Variants in XPC observed in about 807,000 individuals in gnomAD.
XPC encodes XPC complex subunit, DNA damage recognition and repair factor, also known as DNA repair protein complementing XP-C cells.
In XPC, 76 loss-of-function variants were observed where a neutral mutation model predicts 95.8. The ratio of observed to expected loss-of-function variants is 0.79; its 90% confidence interval spans 0.66 to 0.96. The LOEUF is 0.96. Among genes scored for constraint, XPC ranks in the 40% least tolerant of loss-of-function variants. The pLI is 0.00. For missense variants in XPC, 1,146 were observed against 1,179.8 expected, an observed-to-expected ratio of 0.97 and a Z score of 0.42; for synonymous variants, 442 against 442.1, an observed-to-expected ratio of 1.00 and a Z score of 0.00.
intron 9 of XPC, among the ~76,000 whole-genome samples, chr3:14,156,862 C>T (rs949214257): frequency 3.9e-5 from 6 of 152,236 alleles, no homozygotes; most frequent in African/African-American, 1.4e-4. Context: ...TCTTCTAGAG[C>T]GTGAGCTTAC....
rs771360965 is a variant in XPC, at chr3:14,178,591, A to T, written c.-23T>A. On this transcript the variant is annotated 5_prime_UTR_variant, in exon 1 of 16. Transcript: ENST00000285021. ...CATGTTGCTTGTCTGGGCAAATTCC[A>T]CTTCGCGAGTGACGCACCCGGCCGC... 4.8e-5 allele frequency: 78 copies of T among 1,611,984 alleles called. No homozygotes were observed. In the East Asian group the frequency reaches 1.6e-3, roughly 34 times the overall value.
At position 14,148,574 on chromosome 3, in the gene XPC, T is replaced by C. The variant is rs1312175659; in HGVS notation, c.2408A>G (p.Tyr803Cys). ...GCCCCTCACGCACACGGGATGGGAG[T>C]AGCCGCCATGGAAATCAAAGCCAGT... ...AITGFDFHGG[Y>C]SHPVTDGYIV... The change falls in exon 13 of 16, where the codon TAC becomes TGC. Residue 803 changes from tyrosine to cysteine, a missense_variant. Transcript: ENST00000285021. 3.1e-6 allele frequency: 5 copies of C among 1,613,442 alleles called. No individual in the cohort carries two copies. The highest frequency in any genetic ancestry group is 2.2e-5 in the East Asian group (1 of 44,870).
intron 7 of XPC, among the ~76,000 whole-genome samples, chr3:14,161,841 A>C (rs1157965278): frequency 6.6e-6 from 1 of 151,926 alleles, no homozygotes; most frequent in East Asian, 1.9e-4. Context: ...AAGGCATGCA[A>C]ACTGGACAGG....
intron 2 of XPC, among the ~76,000 whole-genome samples, chr3:14,171,840 G>C (rs1696627611): frequency 1.3e-5 from 2 of 152,080 alleles, no homozygotes; most frequent in Non-Finnish European, 2.9e-5. Context: ...ACCGGGATGG[G>C]GACGGGACGG....
At chr3:14,176,877 G>C (rs1696839434) in intron 1 of XPC, among the ~76,000 whole-genome samples, 1 of 152,234 alleles carries the variant, frequency 6.6e-6, no homozygotes, top group Admixed American at 6.5e-5. Context: ...GAGGCAAACG[G>C]ATCACCTGAG....
chr3:14,166,139 A>C (rs914415252), intron 5 of XPC, among the ~76,000 whole-genome samples: 1 of 152,128 alleles, frequency 6.6e-6, no homozygotes, highest in Non-Finnish European at 1.5e-5. Flanking sequence ...TGAAATGATT[A>C]TATGACCTCT....
Position 14,178,255 on chromosome 3 carries a change from G to A in XPC, c.103+211C>T, listed in dbSNP as rs370753786. Reference sequence around the variant, plus strand: ...AAAGCTACGCAGGAGCTTGGATCGGGCGAAGCTCGCGGGAAACCGCTCTGG... The same window carrying A: ...AAAGCTACGCAGGAGCTTGGATCGGACGAAGCTCGCGGGAAACCGCTCTGG... On this transcript the variant is annotated intron_variant, in intron 1 of 15. Coordinates refer to ENST00000285021, the MANE Select transcript of XPC (RefSeq NM_004628.5). The A allele has an allele frequency of 2.0e-4, 112 of 566,846 alleles. 1 individual carries two copies. The highest frequency in any genetic ancestry group is 1.6e-3 in the African/African-American group (82 of 49,746). The allele number at this position is 566,846 out of a possible 1,614,324, so 35.1% of individuals were successfully genotyped here.
intron 11 of XPC, among the ~76,000 whole-genome samples, chr3:14,150,779 A>C (rs79619898): frequency 0.018 from 2,667 of 152,308 alleles, 80 homozygotes; most frequent in East Asian, 0.12. Context: ...GCCTGAGCAG[A>C]GGCTTAAAGG....
At chr3:14,168,716 T>TAA (rs879621519) in intron 3 of XPC, among the ~76,000 whole-genome samples, 1 of 144,362 alleles carries the variant, frequency 6.9e-6, no homozygotes. Flanking sequence ...TAAAACTCTT[T>TAA]AAAAAAAAAA....
chr3:14,147,796 G>A (rs1695501501), intron 14 of XPC, 112 bp downstream of exon 14: 2 of 944,942 alleles, frequency 2.1e-6, no homozygotes, highest in Non-Finnish European at 3.2e-6. Flanking sequence ...TGATGTCAGA[G>A]AGGGCTGGGA....
chr3:14,148,213 C>T, intron 13 of XPC: 2 of 586,938 alleles, frequency 3.4e-6, no homozygotes, highest in Non-Finnish European at 6.0e-6. Context: ...CCGAAGAAAG[C>T]TGGGGTGAAA....
rs5031057 is a variant in XPC, at chr3:14,145,852, C to G, written c.*89G>C. ...TGCCTTCTCAGCAGAGAAGCCCCCA[C>G]CACCAGGGGCTGGGCATGCCCAGGG... On this transcript the variant is annotated 3_prime_UTR_variant, in exon 16 of 16. Transcript: ENST00000285021. The G allele has an allele frequency of 8.1e-4, 1,224 of 1,501,990 alleles. 1 individual carries two copies. Among genetic ancestry groups the G allele is most frequent in the Non-Finnish European group, 9.7e-4 (1,064 of 1,099,022 alleles). The allele number at this position is 1,501,990 out of a possible 1,614,324, so 93.0% of individuals were successfully genotyped here.
intron 7 of XPC, among the ~76,000 whole-genome samples, chr3:14,164,191 G>T (rs1696279049): frequency 6.6e-6 from 1 of 152,174 alleles, no homozygotes; most frequent in African/African-American, 2.4e-5. Context: ...AGAGAATCTG[G>T]GACTCCCAGA....
At chr3:14,157,990 C>T (rs1460027230) in intron 9 of XPC, 21 bp downstream of exon 9, 1 of 1,578,604 alleles carries the variant, frequency 6.3e-7, no homozygotes, top group Non-Finnish European at 8.6e-7. Flanking sequence ...GTCTTGGAGC[C>T]CCTGGCAGCC....
At chr3:14,147,708 C>A (rs1271647195) in intron 14 of XPC, 200 bp downstream of exon 14, 3 of 603,530 alleles carry the variant, frequency 5.0e-6, no homozygotes, top group Non-Finnish European at 8.7e-6. Flanking sequence ...CGGACCCAGG[C>A]TCCTCAGGGA....
In XPC at chr3:14,146,676, G is replaced by A. The variant is rs188088403; in HGVS notation, c.2605-517C>T. 1.7e-3 allele frequency among the ~76,000 whole-genome samples: 264 copies of A among 152,318 alleles called. 4 individuals carry two copies. Among genetic ancestry groups the A allele is most frequent in the Admixed American group, 0.016 (243 of 15,304 alleles). On this transcript the variant is annotated intron_variant, in intron 15 of 15. Coordinates refer to ENST00000285021, the MANE Select transcript of XPC (RefSeq NM_004628.5). Reference sequence around the variant, plus strand: ...TTTTCTCCACCAGAGGGACTGGAATGAGGAGCGTGACAAAAAAATGTTGAA... The same window carrying A: ...TTTTCTCCACCAGAGGGACTGGAATAAGGAGCGTGACAAAAAAATGTTGAA...
intron 14 of XPC, chr3:14,147,582 CTT>C: frequency 3.2e-6 from 2 of 625,076 alleles, no homozygotes; most frequent in Non-Finnish European, 5.5e-6. Flanking sequence ...AAACAGATAA[CTT>C]TTTAATCGTT....
In XPC at chr3:14,157,999, C is replaced by T. The variant is rs541863310; in HGVS notation, c.1872+12G>A. 1.2e-4 allele frequency: 187 copies of T among 1,586,640 alleles called. 1 individual carries two copies. The South Asian group carries it at 2.0e-3, about 17-fold the overall frequency. ...GACTGTGTCTTGGAGCCCCTGGCAG[C>T]CAAGGCCTTACCTCCAAGTCTTCTT... On this transcript the variant is annotated intron_variant, in intron 9 of 15. Coordinates refer to ENST00000285021, the MANE Select transcript of XPC (RefSeq NM_004628.5).
intron 7 of XPC, among the ~76,000 whole-genome samples, chr3:14,162,958 G>C (rs1176886679): frequency 6.6e-6 from 1 of 152,072 alleles, no homozygotes; most frequent in East Asian, 1.9e-4. Flanking sequence ...GCAAATACTT[G>C]AACAGACATG....
Sources: allele counts gnomAD v4.1 joint callset (sites outside exome capture counted in the v4.1 genomes callset), GRCh38; gene constraint gnomAD v4.1.1; transcripts MANE v1.5; gene names NCBI Gene and HGNC (gene_info 2026-07-23, HGNC 2026-07-21).